The following MAGI2 variants were observed in gnomAD, a reference collection of about 807,000 sequenced individuals.
MAGI2 encodes the protein membrane-associated guanylate kinase, WW and PDZ domain-containing protein 2.
A neutral mutation model predicts 133.3 loss-of-function variants in MAGI2; 35 were observed. The observed-to-expected ratio is 0.26, with a 90% CI of 0.20 to 0.35. The LOEUF (loss-of-function observed/expected upper bound fraction) is 0.35, where lower values mean the gene tolerates loss of function less well. Ranked by LOEUF, MAGI2 falls within the 10% of genes least tolerant of loss-of-function variation. The pLI, the probability that MAGI2 is intolerant of heterozygous loss-of-function variation, is 1.00. For synonymous variants in MAGI2, 729 were observed against 710.6 expected, an observed-to-expected ratio of 1.03 and a Z score of -0.41; for missense variants, 1,636 against 1,863.4, an observed-to-expected ratio of 0.88 and a Z score of 2.25.
intron 6 of MAGI2, among the ~76,000 whole-genome samples, chr7:78,392,718 A>G (rs574464617): frequency 1.3e-5 from 2 of 152,318 alleles, no homozygotes; most frequent in East Asian, 3.9e-4. Flanking sequence ...ATCTTGGCTC[A>G]CTGCAACCTC....
At chr7:78,590,964 A>G (rs1803937129) in intron 3 of MAGI2, among the ~76,000 whole-genome samples, 1 of 152,208 alleles carries the variant, frequency 6.6e-6, no homozygotes, top group Admixed American at 6.5e-5. Context: ...CACTAGCCAA[A>G]TAGCAGTCTC....
intron 6 of MAGI2, among the ~76,000 whole-genome samples, chr7:78,387,799 G>A (rs971615975): frequency 6.6e-6 from 1 of 151,986 alleles, no homozygotes; most frequent in Admixed American, 6.6e-5. Context: ...GATGGCACGC[G>A]CCTGTAGTTG....
intron 20 of MAGI2, among the ~76,000 whole-genome samples, chr7:78,112,991 G>A (rs1466740729): frequency 6.6e-6 from 1 of 152,180 alleles, no homozygotes; most frequent in Non-Finnish European, 1.5e-5. Flanking sequence ...CTTACCCAGG[G>A]GAACGGGTGG....
chr7:79,396,788 A>G (rs980221000), intron 1 of MAGI2, among the ~76,000 whole-genome samples: 1 of 152,148 alleles, frequency 6.6e-6, no homozygotes, highest in Non-Finnish European at 1.5e-5. Context: ...CTTTTAAAAG[A>G]CTTATTATTT....
intron 10 of MAGI2, among the ~76,000 whole-genome samples, chr7:78,250,181 G>A (rs1046924066): frequency 2.6e-5 from 4 of 152,046 alleles, no homozygotes; most frequent in East Asian, 1.9e-4. Flanking sequence ...GTACTCAACA[G>A]GACCAAAATC....
intron 2 of MAGI2, among the ~76,000 whole-genome samples, chr7:78,869,439 T>C (rs1794848105): frequency 6.6e-6 from 1 of 152,234 alleles, no homozygotes; most frequent in African/African-American, 2.4e-5. Context: ...TTCTTCTGCA[T>C]GATGCCTTGC....
intron 1 of MAGI2, among the ~76,000 whole-genome samples, chr7:79,059,011 G>C (rs1326161684): frequency 6.6e-6 from 1 of 152,054 alleles, no homozygotes; most frequent in African/African-American, 2.4e-5. Flanking sequence ...TCAATAAATA[G>C]GAGTTGTTAA....
chr7:79,419,447 A>T (rs1207501752), intron 1 of MAGI2, among the ~76,000 whole-genome samples: 1 of 152,058 alleles, frequency 6.6e-6, no homozygotes, highest in Non-Finnish European at 1.5e-5. Flanking sequence ...GAATGGAGAG[A>T]GGACATATGC....
intron 9 of MAGI2, among the ~76,000 whole-genome samples, chr7:78,308,126 G>T (rs1798395452): frequency 6.6e-6 from 1 of 152,216 alleles, no homozygotes; most frequent in Non-Finnish European, 1.5e-5. Context: ...TGTTGATGGT[G>T]AAATTCACTG....
intron 1 of MAGI2, among the ~76,000 whole-genome samples, chr7:79,286,234 A>G (rs1290284935): frequency 6.6e-6 from 1 of 152,042 alleles, no homozygotes; most frequent in East Asian, 1.9e-4. Flanking sequence ...TAATAAATAT[A>G]AGTAATAAAT....
intron 1 of MAGI2, among the ~76,000 whole-genome samples, chr7:79,429,574 G>A (rs1044684220): frequency 1.3e-5 from 2 of 151,920 alleles, no homozygotes; most frequent in African/African-American, 4.8e-5. Flanking sequence ...CCAAATGCTC[G>A]GATTATAGGC....
intron 11 of MAGI2, among the ~76,000 whole-genome samples, chr7:78,198,427 C>CATT (rs1370655207): frequency 2.8e-5 from 3 of 107,462 alleles, no homozygotes; most frequent in African/African-American, 1.1e-4. Context: ...TGGCTGTGGC[C>CATT]GTTTTTTTTT....
chr7:78,150,162 C>T (rs1227630465), intron 16 of MAGI2, among the ~76,000 whole-genome samples: 1 of 152,132 alleles, frequency 6.6e-6, no homozygotes, highest in Non-Finnish European at 1.5e-5. Context: ...TAGAAGCACT[C>T]CCTAAGTTCC....
intron 1 of MAGI2, among the ~76,000 whole-genome samples, chr7:79,161,526 A>C (rs1452622118): frequency 6.6e-6 from 1 of 152,048 alleles, no homozygotes; most frequent in Non-Finnish European, 1.5e-5. Flanking sequence ...GAGTTCTGTG[A>C]CAAAAAAAAA....
chr7:79,267,884 T>C (rs1289518970), intron 1 of MAGI2, among the ~76,000 whole-genome samples: 3 of 152,186 alleles, frequency 2.0e-5, no homozygotes, highest in Non-Finnish European at 4.4e-5. Flanking sequence ...ATTTTTAGGA[T>C]AATTTAATAG....
intron 1 of MAGI2, among the ~76,000 whole-genome samples, chr7:79,377,461 T>A (rs1843457150): frequency 1.3e-5 from 2 of 151,726 alleles, no homozygotes; most frequent in African/African-American, 2.4e-5. Context: ...TCAAACAGCA[T>A]CAATATCAAA....
At chr7:78,040,876 G>A (rs1563040874) in intron 21 of MAGI2, among the ~76,000 whole-genome samples, 1 of 152,190 alleles carries the variant, frequency 6.6e-6, no homozygotes, top group Non-Finnish European at 1.5e-5. Flanking sequence ...AGGCCTTTCG[G>A]TAAGTCATCC....
intron 1 of MAGI2, among the ~76,000 whole-genome samples, chr7:79,372,285 C>T (rs903759860): frequency 2.6e-5 from 4 of 152,078 alleles, no homozygotes; most frequent in African/African-American, 9.7e-5. Flanking sequence ...AAGAATGAAA[C>T]TATCCCAGGA....
chr7:78,557,080 C>CAAAAAAAAAAAAAAAAAAAAAAAAAAAA (rs796371005), intron 3 of MAGI2, among the ~76,000 whole-genome samples: 36 of 40,900 alleles, frequency 8.8e-4, no homozygotes, highest in Non-Finnish European at 9.6e-4. Flanking sequence ...GGCAGAGTCT[C>CAAAAAAAAAAAAAAAAAAAAAAAAAAAA]AAAAAAAAAA....
Sources: allele counts gnomAD v4.1 joint callset (sites outside exome capture counted in the v4.1 genomes callset), GRCh38; gene constraint gnomAD v4.1.1; transcripts MANE v1.5; gene names NCBI Gene and HGNC (gene_info 2026-07-23, HGNC 2026-07-21).